The following HECTD4 variants were observed in gnomAD, a reference collection of about 807,000 sequenced individuals.
HECTD4 encodes the protein probable E3 ubiquitin-protein ligase HECTD4.
Under a neutral mutation model 471.5 loss-of-function variants are expected in HECTD4, and 114 were observed. The ratio of observed to expected loss-of-function variants is 0.24; its 90% CI spans 0.21 to 0.28. The LOEUF is 0.28. Among genes scored for constraint, HECTD4 ranks in the 10% least tolerant of loss-of-function variants. The pLI is 1.00. For missense variants in HECTD4, 3,866 were observed against 5,651.5 expected, an observed-to-expected ratio of 0.68 and a Z score of 10.13; for synonymous variants, 2,012 against 2,256.0, an observed-to-expected ratio of 0.89 and a Z score of 3.07.
At chr12:112,219,248 A>G (rs1389014922) in intron 45 of HECTD4, 138 bp downstream of exon 45, 7 of 489,184 alleles carry the variant, frequency 1.4e-5, no homozygotes, top group Non-Finnish European at 2.5e-5. Flanking sequence ...CACCGCAAAG[A>G]GGGCATGTCA....
At chr12:112,265,702 T>C (rs1034524432) in intron 15 of HECTD4, among the ~76,000 whole-genome samples, 176 bp downstream of exon 15, 1 of 152,206 alleles carries the variant, frequency 6.6e-6, no homozygotes, top group African/African-American at 2.4e-5. Flanking sequence ...TGTGCAATTA[T>C]CAGTTCTGAG....
intron 48 of HECTD4, among the ~76,000 whole-genome samples, chr12:112,214,245 G>C (rs888021182): frequency 6.6e-6 from 1 of 152,132 alleles, no homozygotes; most frequent in Admixed American, 6.6e-5. Flanking sequence ...AATTGCATCG[G>C]CACTCTTACA....
intron 18 of HECTD4, among the ~76,000 whole-genome samples, chr12:112,259,577 T>C (rs1468875641): frequency 6.9e-6 from 1 of 145,910 alleles, no homozygotes; most frequent in African/African-American, 2.6e-5. Flanking sequence ...TGGAGTGCAG[T>C]GGTACGATCA....
At chr12:112,238,846 A>G (rs970344783) in intron 34 of HECTD4, among the ~76,000 whole-genome samples, 3 of 152,206 alleles carry the variant, frequency 2.0e-5, no homozygotes, top group Non-Finnish European at 4.4e-5. Flanking sequence ...GGGTACAGGG[A>G]TATCATTCAG....
At chr12:112,171,420 T>G (rs2031216507) in intron 67 of HECTD4, 157 bp from the exon 68 acceptor site, 1 of 1,198,322 alleles carries the variant, frequency 8.3e-7, no homozygotes, top group Admixed American at 2.6e-5. Context: ...GCCCCCAATG[T>G]GCCTGTGCCT....
In HECTD4 at chr12:112,279,404, A is replaced by C. The variant is rs756687752; in HGVS notation, c.1529-18T>G. The C allele has an allele frequency of 3.4e-5, 54 of 1,572,960 alleles. No homozygotes were observed. Among genetic ancestry groups the C allele is most frequent in the Non-Finnish European group, 4.2e-5 (49 of 1,165,778 alleles). ...AGTATTTGCTGGAGAAAGGAATGAA[A>C]ATGCTAAATCAAAATATTTGACACA... On this transcript the variant is annotated intron_variant, in intron 8 of 75. Transcript: ENST00000682272.
chr12:112,306,961 C>T (rs2035282039), intron 6 of HECTD4, among the ~76,000 whole-genome samples: 2 of 152,070 alleles, frequency 1.3e-5, no homozygotes, highest in African/African-American at 4.8e-5. Context: ...ATAAGCTTTG[C>T]ATCATTTCAC....
At position 112,188,268 on chromosome 12, in the gene HECTD4, G is replaced by A. The variant is rs1198394909; in HGVS notation, c.9472+2518C>T. On this transcript the variant is annotated intron_variant, in intron 60 of 75. Transcript: ENST00000682272. This position sits in a 1 kb window ranked among gnomAD's most constrained non-coding sequence, Gnocchi z 4.2. ...CGCACCACTGCGCTCCAGCCTGGGT[G>A]ACAGAGTGAGACTACATTTCAAAAA... 6.6e-6 allele frequency among the ~76,000 whole-genome samples: 1 copy of A among 152,290 alleles called. No individual in the cohort carries two copies. Among genetic ancestry groups the A allele is most frequent in the East Asian group, 1.9e-4 (1 of 5,154 alleles).
At position 112,170,399 on chromosome 12, in the gene HECTD4, T is replaced by C. The variant is rs1246643736; in HGVS notation, c.11986A>G (p.Thr3996Ala). The C allele has an allele frequency of 6.2e-7, 1 of 1,613,982 alleles. No individual in the cohort carries two copies. Among genetic ancestry groups the C allele is most frequent in the East Asian group, 2.2e-5 (1 of 44,890 alleles). Residue 3996 changes from threonine (T) to alanine (A), a missense_variant, in exon 69 of 76, where the codon ACT becomes GCT. By Grantham distance (58) the Thr-to-Ala change is moderately conservative. This residue lies in a region of HECTD4 where 715 missense variants were observed against 1,087.6 expected (regional missense o/e 0.66). Coordinates refer to ENST00000682272, the MANE Select transcript of HECTD4 (RefSeq NM_001388303.1). ...VTVMNRVLNA[T>A]VQRTADHAAP... ...GCGTGGTCCGCTGTCCTCTGCACAG[T>C]GGCATTCAGCACTCGATTCATCACG...
chr12:112,272,477 A>G (rs1334301360), intron 11 of HECTD4, among the ~76,000 whole-genome samples: 3 of 152,086 alleles, frequency 2.0e-5, no homozygotes, highest in Non-Finnish European at 2.9e-5. Context: ...TAATACTTTC[A>G]CCCTGGATGG....
intron 13 of HECTD4, among the ~76,000 whole-genome samples, chr12:112,268,146 T>C (rs2034322627): frequency 6.6e-6 from 1 of 152,080 alleles, no homozygotes; most frequent in African/African-American, 2.4e-5. Flanking sequence ...TAATTGAGGT[T>C]TAACATTTAA....
Position 112,207,932 on chromosome 12 carries a change from G to T in HECTD4, c.8073C>A (p.Phe2691Leu). ...TKVFPTIRRR[F>L]RNEAERKSGL... ...CCGATTTCCGCTCTGCTTCATTGCG[G>T]AAGCGTCTTCGGATGGTAGGAAAAA... The change falls in exon 52 of 76, where the codon TTC becomes TTA. Residue 2691 changes from phenylalanine (F) to leucine (L), a missense_variant. Transcript: ENST00000682272. The T allele has an allele frequency of 6.2e-7, 1 of 1,613,944 alleles. No individual in the cohort carries two copies. The highest frequency in any genetic ancestry group is 8.5e-7 in the Non-Finnish European group (1 of 1,179,866).
chr12:112,209,491 T>G (rs966998863), intron 50 of HECTD4, among the ~76,000 whole-genome samples: 5 of 152,108 alleles, frequency 3.3e-5, no homozygotes, highest in Admixed American at 3.3e-4. Flanking sequence ...CACCCCCAGC[T>G]AATTTTGTAT....
At chr12:112,248,550 G>A in intron 25 of HECTD4, 38 bp from the exon 26 acceptor site, 1 of 1,369,782 alleles carries the variant, frequency 7.3e-7, no homozygotes, top group Non-Finnish European at 1.0e-6. Flanking sequence ...TATATGCCAT[G>A]CTCTCAGCTT....
chr12:112,179,005 G>C lies in HECTD4; in HGVS notation c.11289C>G (p.Pro3763=), dbSNP rs558916235. 6.2e-7 allele frequency: 1 copy of C among 1,613,566 alleles called. No homozygotes were observed. Among genetic ancestry groups the C allele is most frequent in the East Asian group, 2.2e-5 (1 of 44,874 alleles). Residue 3763 remains proline, a synonymous_variant, in exon 64 of 76, where the codon CCC becomes CCG. Coordinates refer to ENST00000682272, the MANE Select transcript of HECTD4 (RefSeq NM_001388303.1). This position sits in a 1 kb window ranked among gnomAD's most constrained non-coding sequence, Gnocchi z 4.3. ...GCCGCTTGGTGCTCACCACCTTCAC[G>C]GGGTGCTGCTCCTTCCCGGCCTTGC... ...KYSKAGKEQH[P]VKVVSTKRPI... is the part of the protein sequence containing the mutation.
Position 112,212,603 on chromosome 12 carries a change from G to A in HECTD4, c.7513C>T (p.Pro2505Ser). Reference sequence around the variant, plus strand: ...CGGCCCTTGGCTGGCTGTCCCGGAGGAGGTGGAGTCCCCTCAGTTCTCTCC... The same window carrying A: ...CGGCCCTTGGCTGGCTGTCCCGGAGAAGGTGGAGTCCCCTCAGTTCTCTCC... Reference protein sequence around the residue: ...GWERTEGTPPPPGQPAKGRVY... With the variant: ...GWERTEGTPPSPGQPAKGRVY... Residue 2505 changes from proline to serine, a missense_variant, in exon 49 of 76, where the codon CCT becomes TCT. Pro to Ser is a moderately conservative substitution (Grantham distance 74). Transcript: ENST00000682272. The A allele has an allele frequency of 6.2e-7, 1 of 1,613,878 alleles. No homozygotes were observed. The highest frequency in any genetic ancestry group is 8.5e-7 in the Non-Finnish European group (1 of 1,179,850).
intron 1 of HECTD4, among the ~76,000 whole-genome samples, chr12:112,335,868 C>T (rs1385421949): frequency 6.6e-6 from 1 of 152,006 alleles, no homozygotes; most frequent in African/African-American, 2.4e-5. Context: ...AAGTGAAAGA[C>T]AAACAATCAT....
In HECTD4 at chr12:112,239,840, C is replaced by A; in HGVS notation, c.5105+41G>T. 6.4e-7 allele frequency: 1 copy of A among 1,556,510 alleles called. No homozygotes were observed. The highest frequency in any genetic ancestry group is 8.8e-7 in the Non-Finnish European group (1 of 1,141,396). The stretch of plus-strand genomic sequence containing the variant: ...TACTTTCACTTAATCGACTATACTG[C>A]AGGGTAACTTACATACAACAAAAGG... On this transcript the variant is annotated intron_variant, in intron 33 of 75. Coordinates refer to ENST00000682272, the MANE Select transcript of HECTD4 (RefSeq NM_001388303.1). The surrounding 1 kb of genome is among the most constrained non-coding windows in gnomAD (Gnocchi z 4.9).
chr12:112,200,578 T>G (rs138699503), intron 55 of HECTD4, 60 bp downstream of exon 55: 8 of 1,542,434 alleles, frequency 5.2e-6, no homozygotes, highest in Non-Finnish European at 7.1e-6. Context: ...ACATGGTACA[T>G]GTGGTAGAGC....
Sources: gnomAD v4.1 joint callset for allele counts (sites outside exome capture counted in the v4.1 genomes callset) on GRCh38, gnomAD v4.1.1 for gene constraint, gnomAD v4.1.1 regional missense constraint, Gnocchi (gnomAD v3.1) non-coding constraint, MANE v1.5 for transcripts, NCBI Gene and HGNC (gene_info 2026-07-23, HGNC 2026-07-21) for gene names.